USP28: variants seen among roughly 807,000 people sequenced by gnomAD.
The protein encoded by USP28 is ubiquitin carboxyl-terminal hydrolase 28.
In USP28, 113 loss-of-function variants were observed where a neutral mutation model predicts 145.0. The observed-to-expected ratio is 0.78, with a 90% CI of 0.67 to 0.91. USP28 has a LOEUF of 0.91. Ranked by LOEUF, USP28 falls within the 40% of genes least tolerant of loss-of-function variation. The probability of loss-of-function intolerance (pLI) is 0.00; values close to 1 mark genes in which losing one functional copy is unlikely to be tolerated. For missense variants in USP28, 1,201 were observed against 1,289.6 expected (o/e 0.93, Z 1.05); for synonymous variants, 447 against 450.9 (o/e 0.99, Z 0.11).
At chr11:113,807,969 T>C (rs1196004560) in intron 18 of USP28, 1 of 1,141,670 alleles carries the variant, frequency 8.8e-7, no homozygotes, top group East Asian at 5.4e-5. Context: ...CATATCCATC[T>C]GCATCAGATC....
intron 3 of USP28, among the ~76,000 whole-genome samples, chr11:113,848,099 C>A (rs1591397291): frequency 6.6e-6 from 1 of 152,258 alleles, no homozygotes; most frequent in East Asian, 1.9e-4. Context: ...AAAGAAAACA[C>A]TGATGGGGTG....
At chr11:113,810,982 CCTTA>C (rs1940891731) in intron 16 of USP28, among the ~76,000 whole-genome samples, 1 of 152,150 alleles carries the variant, frequency 6.6e-6, no homozygotes, top group African/African-American at 2.4e-5. Context: ...GGCGATGTTT[CCTTA>C]CTTACGCCAC....
At chr11:113,863,341 C>T (rs557887330) in intron 1 of USP28, among the ~76,000 whole-genome samples, 9 of 152,214 alleles carry the variant, frequency 5.9e-5, no homozygotes, top group Admixed American at 2.6e-4. Context: ...AAACCTGGGC[C>T]GGGCGCAGTG....
chr11:113,864,188 C>T (rs952018443), intron 1 of USP28, among the ~76,000 whole-genome samples: 1 of 151,996 alleles, frequency 6.6e-6, no homozygotes, highest in African/African-American at 2.4e-5. Flanking sequence ...CTGCAGTGAG[C>T]CAAGATCTCA....
At chr11:113,818,443 C>T (rs774481096) in intron 12 of USP28, among the ~76,000 whole-genome samples, 1 of 152,190 alleles carries the variant, frequency 6.6e-6, no homozygotes, top group African/African-American at 2.4e-5. Context: ...CCGCGCCTGG[C>T]AATTTTTAAG....
At position 113,817,736 on chromosome 11, in the gene USP28, G is replaced by A; in HGVS notation, c.1385C>T (p.Pro462Leu). 3 of 1,614,188 alleles carry A rather than the reference G, an allele frequency of 1.9e-6. No individual in the cohort carries two copies. In the East Asian group the frequency reaches 6.7e-5, roughly 36 times the overall value. Residue 462 changes from proline (P) to leucine (L), a missense_variant, in exon 13 of 25, where the codon CCA becomes CTA. Physicochemically the swap from Pro to Leu is moderately conservative, Grantham distance 98 (BLOSUM62 -3). Transcript: ENST00000003302. ...TGTCATATGTGTGTCACTTTCAGGT[G>A]GACAGCTTTCTGAGGCAGGTTTTGT...
intron 19 of USP28, among the ~76,000 whole-genome samples, chr11:113,805,929 CTTTTT>C (rs927739247): frequency 2.6e-5 from 4 of 151,362 alleles, no homozygotes; most frequent in Non-Finnish European, 5.9e-5. Context: ...TCACAGAAGA[CTTTTT>C]TTTTATTTTT....
chr11:113,834,239 A>C lies in USP28; in HGVS notation c.621+10T>G. ...AACAACAGTGAAGAAATTCCTTGACACCAACTTACTGTATGACTTCGACAA... is the reference window on the plus strand; with the variant it reads ...AACAACAGTGAAGAAATTCCTTGACCCCAACTTACTGTATGACTTCGACAA... On this transcript the variant is annotated intron_variant, in intron 6 of 24. Transcript: ENST00000003302. 6.2e-7 allele frequency: 1 copy of C among 1,602,298 alleles called. No individual in the cohort carries two copies. The highest frequency in any genetic ancestry group is 1.1e-5 in the South Asian group (1 of 89,260).
chr11:113,815,506 TA>T (rs1941600036), intron 13 of USP28, 124 bp from the exon 14 acceptor site: 3 of 886,238 alleles, frequency 3.4e-6, no homozygotes, highest in Admixed American at 2.7e-5. Context: ...ATTAACTCTA[TA>T]AAGGTACAGA....
intron 10 of USP28, among the ~76,000 whole-genome samples, chr11:113,828,160 C>G (rs1226698261): frequency 6.6e-6 from 1 of 152,236 alleles, no homozygotes; most frequent in Non-Finnish European, 1.5e-5. Flanking sequence ...GTGCAAGCAA[C>G]ATTCCCTTCA....
At chr11:113,830,169 G>T (rs911547700) in intron 9 of USP28, among the ~76,000 whole-genome samples, 1 of 151,008 alleles carries the variant, frequency 6.6e-6, no homozygotes, top group Non-Finnish European at 1.5e-5. Flanking sequence ...CACACACTGG[G>T]GTCCTGACTA....
chr11:113,823,585 T>C lies in USP28; in HGVS notation c.1283+20A>G, dbSNP rs761551425. 6.5e-7 allele frequency: 1 copy of C among 1,531,684 alleles called. No homozygotes were observed. The highest frequency in any genetic ancestry group is 9.0e-7 in the Non-Finnish European group (1 of 1,112,170). 94.9% of individuals were successfully genotyped at this position (1,531,684 alleles called of 1,614,324 possible). On this transcript the variant is annotated intron_variant, in intron 12 of 24. Transcript: ENST00000003302. ...TAATATTCTTTTACATTTCTAAGCA[T>C]GAAGGTGTCCAAAACTCACCTTTCC... is the stretch of plus-strand genomic sequence containing the variant.
intron 1 of USP28, among the ~76,000 whole-genome samples, chr11:113,873,897 C>T (rs1365572953): frequency 2.6e-5 from 4 of 152,108 alleles, no homozygotes; most frequent in Non-Finnish European, 5.9e-5. Context: ...AATCCCAGCA[C>T]TTTGGGAGGC....
rs139562682 is a variant in USP28, at chr11:113,817,804, G to A, written c.1317C>T (p.Phe439=). ...CATATTTCAGCATGTCCGGGAGCGG[G>A]AACCGAGCTGGGCCTGAGCCATATT... Residue 439 remains phenylalanine (F), a synonymous_variant, in exon 13 of 25, where the codon TTC becomes TTT. Coordinates refer to ENST00000003302, the Ensembl canonical transcript of USP28. 227 of 1,614,142 alleles carry A rather than the reference G, an allele frequency of 1.4e-4. No homozygotes were observed. The East Asian group carries it at 5.0e-3, about 36-fold the overall frequency.
At chr11:113,835,393 A>G (rs1482356882) in intron 5 of USP28, 3 of 454,692 alleles carry the variant, frequency 6.6e-6, no homozygotes, top group Admixed American at 2.4e-5. Context: ...GTATTCTAAA[A>G]GCCCCAGGTA....
intron 12 of USP28, among the ~76,000 whole-genome samples, 175 bp downstream of exon 12, chr11:113,823,430 G>A (rs1942919111): frequency 6.6e-6 from 1 of 152,116 alleles, no homozygotes; most frequent in South Asian, 2.1e-4. Flanking sequence ...TTACCCCCAT[G>A]AATAATACTA....
chr11:113,830,720 T>C, intron 9 of USP28, 147 bp downstream of exon 9: 1 of 619,406 alleles, frequency 1.6e-6, no homozygotes, highest in East Asian at 2.8e-5. Context: ...TTATCCACAG[T>C]TAAACAGATA....
In USP28 at chr11:113,849,064, G is replaced by A. The variant is rs117748726; in HGVS notation, c.268+3437C>T. Among the ~76,000 whole-genome samples the A allele has an allele frequency of 8.0e-3, 1,213 of 152,288 alleles. 8 individuals carry two copies. The highest frequency in any genetic ancestry group is 0.013 in the Non-Finnish European group (854 of 68,028). On this transcript the variant is annotated intron_variant, in intron 3 of 24. Coordinates refer to ENST00000003302, the Ensembl canonical transcript of USP28. ...GAAATACTCATGCTGTCTTGCTGGC[G>A]GATGTCAGAGAAACACTTCAGTGAG...
intron 1 of USP28, among the ~76,000 whole-genome samples, chr11:113,871,982 T>C (rs979385663): frequency 6.6e-6 from 1 of 152,204 alleles, no homozygotes; most frequent in African/African-American, 2.4e-5. Context: ...CTTGGACGAA[T>C]TACTTAACAA....
Sources: allele counts gnomAD v4.1 joint callset (sites outside exome capture counted in the v4.1 genomes callset), GRCh38; gene constraint gnomAD v4.1.1; transcripts MANE v1.5; gene names NCBI Gene and HGNC (gene_info 2026-07-23, HGNC 2026-07-21).